Variants in TRPM3 observed in about 807,000 individuals in gnomAD.
TRPM3 encodes the protein transient receptor potential cation channel subfamily M member 3, also known as long transient receptor potential channel 3.
TRPM3 carries 77 observed loss-of-function variants against 181.2 expected under a neutral mutation model. The ratio of observed to expected loss-of-function variants is 0.42; its 90% CI spans 0.35 to 0.51. The LOEUF (loss-of-function observed/expected upper bound fraction) is 0.51. Ranked by LOEUF, TRPM3 falls within the 20% of genes least tolerant of loss-of-function variation. TRPM3 has a pLI of 0.01. For synonymous variants in TRPM3, 745 were observed against 796.4 expected, an observed-to-expected ratio of 0.94 and a Z score of 1.09; for missense variants, 1,759 against 2,196.7, an observed-to-expected ratio of 0.80 and a Z score of 3.98.
intron 1 of TRPM3, among the ~76,000 whole-genome samples, chr9:71,134,204 G>A (rs1036045682): frequency 4.6e-5 from 7 of 152,074 alleles, no homozygotes; most frequent in South Asian, 2.1e-4. Flanking sequence ...AGGGATCTTC[G>A]GTTCCATAAT....
At chr9:71,068,235 G>A (rs2062193875) in intron 1 of TRPM3, among the ~76,000 whole-genome samples, 1 of 152,166 alleles carries the variant, frequency 6.6e-6, no homozygotes, top group South Asian at 2.1e-4. Flanking sequence ...CTAATTAAAT[G>A]TCTTGCACAT....
At chr9:71,160,855 G>T (rs1015699826) in intron 1 of TRPM3, among the ~76,000 whole-genome samples, 1 of 152,118 alleles carries the variant, frequency 6.6e-6, no homozygotes, top group East Asian at 1.9e-4. Context: ...ATATTTATGA[G>T]ACTGGACTGG....
chr9:71,127,226 T>C (rs1192438405), intron 1 of TRPM3, among the ~76,000 whole-genome samples: 2 of 151,484 alleles, frequency 1.3e-5, no homozygotes, highest in Non-Finnish European at 2.9e-5. Flanking sequence ...ATTTAGCTTC[T>C]TTTTAAACAT....
chr9:71,289,585 G>C (rs1232025297), intron 1 of TRPM3, among the ~76,000 whole-genome samples: 1 of 152,060 alleles, frequency 6.6e-6, no homozygotes, highest in African/African-American at 2.4e-5. Context: ...TAGCTAGATA[G>C]GGTCAAGCAC....
rs564579334 is a variant in TRPM3, at chr9:70,917,067, G to A, written c.178-52556C>T. 5.3e-5 allele frequency: 85 copies of A among 1,596,412 alleles called. 2 individuals are homozygous for A. The South Asian group carries it at 8.8e-4, about 17-fold the overall frequency. On this transcript the variant is annotated intron_variant, in intron 1 of 25. Coordinates refer to ENST00000677713, the MANE Select transcript of TRPM3 (RefSeq NM_001366145.2). ...TCGCTAAGGCAAGAAAAATAGCACT[G>A]AGGAAAGCACTGCAACAGGTCCACT... is the stretch of plus-strand genomic sequence containing the variant.
intron 1 of TRPM3, among the ~76,000 whole-genome samples, chr9:70,984,698 T>A (rs7875602): frequency 0.14 from 21,336 of 152,188 alleles, 1,646 homozygotes; most frequent in East Asian, 0.21. Flanking sequence ...CCCACTCCAA[T>A]GCTGGAAGAA....
intron 1 of TRPM3, among the ~76,000 whole-genome samples, chr9:71,283,895 A>G (rs1302825013): frequency 6.6e-6 from 1 of 152,160 alleles, no homozygotes; most frequent in Non-Finnish European, 1.5e-5. Flanking sequence ...GTTATGTTTC[A>G]TAATTGTGTC....
Position 71,261,981 on chromosome 9 carries a change from C to T in TRPM3, c.183+184672G>A, listed in dbSNP as rs147150565. Among the ~76,000 whole-genome samples the T allele has an allele frequency of 1.7e-3, 254 of 152,326 alleles. 1 individual carries two copies. The highest frequency in any genetic ancestry group is 2.9e-3 in the Non-Finnish European group (200 of 68,032). On this transcript the variant is annotated intron_variant, in intron 1 of 24. Coordinates refer to the TRPM3 transcript ENST00000357533. Reference sequence around the variant, plus strand: ...GTTTCCCTGTCAGGAGCCACAGGGACCAGGGACCCACTTGAGGAGGCAGTC... The same window carrying T: ...GTTTCCCTGTCAGGAGCCACAGGGATCAGGGACCCACTTGAGGAGGCAGTC...
At chr9:71,298,953 T>G (rs777127961) in intron 1 of TRPM3, among the ~76,000 whole-genome samples, 2 of 152,200 alleles carry the variant, frequency 1.3e-5, no homozygotes, top group Non-Finnish European at 2.9e-5. Flanking sequence ...TTTATTCCTC[T>G]CATTTCCAGG....
rs1447496329 is a variant in TRPM3, at chr9:70,625,526, G to A, written c.1633-9C>T. The A allele has an allele frequency of 1.2e-6, 2 of 1,609,678 alleles. No homozygotes were observed. Among genetic ancestry groups the A allele is most frequent in the African/African-American group, 2.7e-5 (2 of 74,662 alleles). ...AAACCTGGATACTCTCGCTTGGAAA[G>A]AAGACATAAGTTAAATAAGAAGATG... On this transcript the variant is annotated splice_polypyrimidine_tract_variant and intron_variant, in intron 12 of 25. Transcript: ENST00000677713. The surrounding 1 kb of genome is among the most constrained non-coding windows in gnomAD (Gnocchi z 4.8).
At chr9:71,168,005 C>CT in intron 1 of TRPM3, among the ~76,000 whole-genome samples, 1 of 152,148 alleles carries the variant, frequency 6.6e-6, no homozygotes, top group Admixed American at 6.5e-5. Flanking sequence ...TGACATACCT[C>CT]ATTTAGAGGA....
intron 6 of TRPM3, among the ~76,000 whole-genome samples, chr9:70,801,264 G>C (rs2088915265): frequency 6.6e-6 from 1 of 152,200 alleles, no homozygotes; most frequent in African/African-American, 2.4e-5. Context: ...AAAGGGACCT[G>C]AGTTTATTCA....
intron 6 of TRPM3, among the ~76,000 whole-genome samples, chr9:70,785,866 G>A (rs1398289287): frequency 6.6e-6 from 1 of 152,162 alleles, no homozygotes; most frequent in African/African-American, 2.4e-5. Flanking sequence ...ACACGTAAAA[G>A]AAAATGATGA....
chr9:71,327,977 AT>A (rs752298243), intron 1 of TRPM3, among the ~76,000 whole-genome samples: 1 of 151,532 alleles, frequency 6.6e-6, no homozygotes, highest in Non-Finnish European at 1.5e-5. Context: ...GACTGGGTTC[AT>A]TTGGGAGATG....
At chr9:71,054,647 T>G (rs1159486874) in intron 1 of TRPM3, among the ~76,000 whole-genome samples, 1 of 152,106 alleles carries the variant, frequency 6.6e-6, no homozygotes, top group Non-Finnish European at 1.5e-5. Context: ...CCATATCTTT[T>G]AAGGAATAAA....
chr9:71,145,518 T>C (rs1050125374), intron 1 of TRPM3, among the ~76,000 whole-genome samples: 10 of 152,174 alleles, frequency 6.6e-5, no homozygotes, highest in African/African-American at 1.4e-4. Flanking sequence ...TTACAAAACC[T>C]GGAGTTGTCC....
intron 1 of TRPM3, among the ~76,000 whole-genome samples, chr9:71,406,573 T>A (rs1195509227): frequency 3.3e-5 from 5 of 152,164 alleles, no homozygotes; most frequent in Non-Finnish European, 7.4e-5. Flanking sequence ...TTTTTTTAAA[T>A]AGAGAAAATA....
At chr9:71,325,040 G>C (rs1365869943) in intron 1 of TRPM3, among the ~76,000 whole-genome samples, 1 of 152,014 alleles carries the variant, frequency 6.6e-6, no homozygotes, top group Non-Finnish European at 1.5e-5. Context: ...ACAGAGTAGA[G>C]TGGCTATACT....
chr9:70,757,478 G>A (rs1354845298), intron 8 of TRPM3, among the ~76,000 whole-genome samples: 4 of 152,060 alleles, frequency 2.6e-5, no homozygotes, highest in East Asian at 1.9e-4. Context: ...TCTATAACTC[G>A]TTTTATGAAG....
Sources: allele counts gnomAD v4.1 joint callset (sites outside exome capture counted in the v4.1 genomes callset), GRCh38; gene constraint gnomAD v4.1.1; non-coding constraint Gnocchi (gnomAD v3.1); transcripts MANE v1.5; gene names NCBI Gene and HGNC (gene_info 2026-07-23, HGNC 2026-07-21).